The following C1QTNF7 variants were observed in gnomAD, a reference collection of about 807,000 sequenced individuals.
The protein encoded by C1QTNF7 is complement C1q tumor necrosis factor-related protein 7.
C1QTNF7 carries 15 observed loss-of-function variants against 19.6 expected under a neutral mutation model. That is an observed-to-expected ratio of 0.76 (90% CI 0.51 to 1.18). The LOEUF (loss-of-function observed/expected upper bound fraction) is 1.18, where lower values mean the gene tolerates loss of function less well. Among genes scored for constraint, C1QTNF7 ranks in the 50% most tolerant of loss-of-function variants. The probability of loss-of-function intolerance (pLI) is 0.00; values close to 1 mark genes in which losing one functional copy is unlikely to be tolerated. For missense variants in C1QTNF7, 324 were observed against 359.7 expected, an observed-to-expected ratio of 0.90 and a Z score of 0.80; for synonymous variants, 142 against 137.5, an observed-to-expected ratio of 1.03 and a Z score of -0.23.
At chr4:15,397,873 G>A (rs531402630) in intron 1 of C1QTNF7, among the ~76,000 whole-genome samples, 131 of 152,212 alleles carry the variant, frequency 8.6e-4, no homozygotes, top group African/African-American at 3.0e-3. Flanking sequence ...AGATGCTGGC[G>A]ACTACACAGT....
At chr4:15,417,598 G>A (rs1719645819) in intron 1 of C1QTNF7, among the ~76,000 whole-genome samples, 1 of 152,180 alleles carries the variant, frequency 6.6e-6, no homozygotes, top group African/African-American at 2.4e-5. Flanking sequence ...GCAGCATAGT[G>A]AGAACCTGTC....
intron 1 of C1QTNF7, among the ~76,000 whole-genome samples, chr4:15,372,358 G>A (rs1371567595): frequency 1.3e-5 from 2 of 152,170 alleles, no homozygotes; most frequent in Admixed American, 1.3e-4. Context: ...CCCACCATAT[G>A]AGGACACAGA....
At chr4:15,431,676 T>G (rs909033673) in intron 1 of C1QTNF7, among the ~76,000 whole-genome samples, 2 of 148,338 alleles carry the variant, frequency 1.3e-5, no homozygotes, top group African/African-American at 4.9e-5. Flanking sequence ...TTCTCACCAG[T>G]TTTTTTCCCC....
chr4:15,438,328 G>C lies in C1QTNF7; in HGVS notation c.238+2347G>C, dbSNP rs113387265. 8.4e-4 allele frequency among the ~76,000 whole-genome samples: 128 copies of C among 152,254 alleles called. 1 individual carries two copies. The highest frequency in any genetic ancestry group is 3.0e-3 in the African/African-American group (126 of 41,566). ...AGAGGTGTACCTCACTTATAAACTAGAGGAACAGCCTGGGAGATTTGGGGA... is the reference window on the plus strand; with the variant it reads ...AGAGGTGTACCTCACTTATAAACTACAGGAACAGCCTGGGAGATTTGGGGA... On this transcript the variant is annotated intron_variant, in intron 2 of 2. Coordinates refer to ENST00000444304, the MANE Select transcript of C1QTNF7 (RefSeq NM_031911.5).
At chr4:15,359,057 T>C (rs1430328048) in intron 1 of C1QTNF7, among the ~76,000 whole-genome samples, 1 of 152,162 alleles carries the variant, frequency 6.6e-6, no homozygotes, top group Non-Finnish European at 1.5e-5. Flanking sequence ...CCTTTCCCCT[T>C]TCAGACAGCT....
chr4:15,388,938 A>G lies in C1QTNF7; in HGVS notation c.14-46798A>G, dbSNP rs561687714. The stretch of plus-strand genomic sequence containing the variant: ...GGATGGTCTGGAAAGAGCAAGGAGG[A>G]GCAGGGAGGTCACCCATATCACCTC... On this transcript the variant is annotated intron_variant, in intron 1 of 2. Transcript: ENST00000295297. 2.0e-5 allele frequency among the ~76,000 whole-genome samples: 3 copies of G among 152,292 alleles called. No homozygotes were observed. In the South Asian group the frequency reaches 6.2e-4, roughly 32 times the overall value.
intron 1 of C1QTNF7, among the ~76,000 whole-genome samples, chr4:15,340,548 T>C (rs1716503420): frequency 6.6e-6 from 1 of 152,178 alleles, no homozygotes; most frequent in African/African-American, 2.4e-5. Flanking sequence ...GGTCAGCTTA[T>C]CTATGTTTTC....
chr4:15,371,827 A>G (rs1717740774), intron 1 of C1QTNF7, among the ~76,000 whole-genome samples: 2 of 152,178 alleles, frequency 1.3e-5, no homozygotes, highest in African/African-American at 4.8e-5. Flanking sequence ...ACAGCTGTCA[A>G]TCTAAGCTCA....
rs549530345 is a variant in C1QTNF7 at position 15,406,404 on chromosome 4, G to A, written c.14-29332G>A. ...CACTGAGGACACCCCATAGTGCTAC[G>A]TATTAGAGAGGAAAAATGAAGATGA... On this transcript the variant is annotated intron_variant, in intron 1 of 2. Transcript: ENST00000295297. Among the ~76,000 whole-genome samples, 74 of 152,254 alleles carry A rather than the reference G, an allele frequency of 4.9e-4. 1 individual carries two copies. Among genetic ancestry groups the A allele is most frequent in the African/African-American group, 1.7e-3 (72 of 41,542 alleles).
chr4:15,391,087 G>C (rs1329655999), intron 1 of C1QTNF7, among the ~76,000 whole-genome samples: 4 of 151,640 alleles, frequency 2.6e-5, no homozygotes, highest in Non-Finnish European at 5.9e-5. Flanking sequence ...TAGATCTTCT[G>C]ACTTCATGTT....
At position 15,442,363 on chromosome 4, in the gene C1QTNF7, T is replaced by C; in HGVS notation, c.434T>C (p.Val145Ala). 1 of 1,614,158 alleles carries C rather than the reference T, an allele frequency of 6.2e-7. No individual in the cohort carries two copies. The highest frequency in any genetic ancestry group is 1.1e-5 in the South Asian group (1 of 91,072). Residue 145 changes from valine (V) to alanine (A), a missense_variant, in exon 3 of 3, where the codon GTG becomes GCG. By Grantham distance (64) the Val-to-Ala change is moderately conservative (BLOSUM62 0). Coordinates refer to ENST00000444304, the MANE Select transcript of C1QTNF7 (RefSeq NM_031911.5). ...LPGVCRCGSI[V>A]LKSAFSVGIT... ...GGAGTTTGCAGATGTGGAAGCATCG[T>C]GCTCAAATCCGCCTTTTCTGTTGGC...
chr4:15,436,018 A>AC (rs1281022633), intron 2 of C1QTNF7, 37 bp downstream of exon 2: 6 of 1,590,792 alleles, frequency 3.8e-6, no homozygotes, highest in African/African-American at 1.4e-5. Context: ...ACCCTCCTTC[A>AC]CCCCCACCTT....
intron 1 of C1QTNF7, among the ~76,000 whole-genome samples, chr4:15,390,539 A>C (rs1289997586): frequency 6.6e-6 from 1 of 152,200 alleles, no homozygotes; most frequent in African/African-American, 2.4e-5. Context: ...TAAGGAAGAA[A>C]AGCGAGATGG....
intron 1 of C1QTNF7, among the ~76,000 whole-genome samples, chr4:15,341,304 T>C (rs1716528309): frequency 6.6e-6 from 1 of 152,196 alleles, no homozygotes; most frequent in African/African-American, 2.4e-5. Context: ...GGTGAGCAAT[T>C]TGAGGGCCGC....
intron 1 of C1QTNF7, among the ~76,000 whole-genome samples, chr4:15,371,169 T>A (rs1362013713): frequency 6.6e-6 from 1 of 152,216 alleles, no homozygotes; most frequent in African/African-American, 2.4e-5. Context: ...AACCCAGGCA[T>A]TGACCAGCAG....
intron 1 of C1QTNF7, among the ~76,000 whole-genome samples, chr4:15,430,275 G>C (rs1488476913): frequency 6.6e-6 from 1 of 152,188 alleles, no homozygotes; most frequent in Admixed American, 6.5e-5. Context: ...ATCCAGGACA[G>C]ACGTGTTCAA....
intron 1 of C1QTNF7, chr4:15,362,302 G>GT (rs1459693675): frequency 6.6e-6 from 1 of 152,110 alleles, no homozygotes; most frequent in African/African-American, 2.4e-5. Flanking sequence ...ATAGACAAGT[G>GT]TAAGTCTTCA....
intron 1 of C1QTNF7, among the ~76,000 whole-genome samples, chr4:15,355,676 A>G (rs1717120794): frequency 6.6e-6 from 1 of 152,118 alleles, no homozygotes; most frequent in African/African-American, 2.4e-5. Flanking sequence ...CACCAATCAG[A>G]AAGAGGCTGA....
chr4:15,340,600 T>C (rs1038999017), intron 1 of C1QTNF7, among the ~76,000 whole-genome samples: 3 of 152,212 alleles, frequency 2.0e-5, no homozygotes, highest in Non-Finnish European at 4.4e-5. Flanking sequence ...GCTGTGATTC[T>C]TCTATTAACT....
Sources: allele counts gnomAD v4.1 joint callset (sites outside exome capture counted in the v4.1 genomes callset), GRCh38; gene constraint gnomAD v4.1.1; transcripts MANE v1.5; gene names NCBI Gene and HGNC (gene_info 2026-07-23, HGNC 2026-07-21).